Variants in PDZRN4 observed in about 807,000 individuals in gnomAD.
PDZRN4 encodes the protein PDZ domain-containing RING finger protein 4.
A neutral mutation model predicts 99.0 loss-of-function variants in PDZRN4; 70 were observed. That is an observed-to-expected ratio of 0.71 (90% CI 0.58 to 0.86). PDZRN4 has a LOEUF of 0.86. Ranked by LOEUF, PDZRN4 falls within the 40% of genes least tolerant of loss-of-function variation. The pLI, the probability that PDZRN4 is intolerant of heterozygous loss-of-function variation, is 0.00. For missense variants in PDZRN4, 1,474 were observed against 1,331.2 expected (o/e 1.11, Z -1.67); for synonymous variants, 551 against 501.6 (o/e 1.10, Z -1.32).
At chr12:41,493,005 C>T (rs1937919596) in intron 3 of PDZRN4, among the ~76,000 whole-genome samples, 1 of 152,122 alleles carries the variant, frequency 6.6e-6, no homozygotes, top group African/African-American at 2.4e-5. Flanking sequence ...TTAATTACAG[C>T]CAAAGGCTGC....
chr12:41,437,175 T>G (rs1245637302), intron 3 of PDZRN4, among the ~76,000 whole-genome samples: 2 of 152,206 alleles, frequency 1.3e-5, no homozygotes, highest in South Asian at 2.1e-4. Flanking sequence ...TATGAACTAT[T>G]CAGTTATTTT....
rs1952248702 is a variant in PDZRN4 at position 41,396,720 on chromosome 12, T to C, written c.844-109736T>C. Among the ~76,000 whole-genome samples the C allele has an allele frequency of 2.0e-5, 3 of 152,318 alleles. No homozygotes were observed. The South Asian group carries it at 6.2e-4, about 32-fold the overall frequency. On this transcript the variant is annotated intron_variant, in intron 3 of 9. Coordinates refer to ENST00000402685, the MANE Select transcript of PDZRN4 (RefSeq NM_001164595.2). ...TGTGATTAAACTACATAGTTCTTTA[T>C]ATCCATGGCTGTTTTCATTGTCTAT...
intron 5 of PDZRN4, among the ~76,000 whole-genome samples, chr12:41,519,931 A>G (rs1938466038): frequency 6.6e-6 from 1 of 151,958 alleles, no homozygotes; most frequent in Non-Finnish European, 1.5e-5. Context: ...ACTTCCCCCC[A>G]TCTGCCTCTC....
At position 41,506,447 on chromosome 12, in the gene PDZRN4, T is replaced by C; in HGVS notation, c.844-9T>C. 1 of 1,603,420 alleles carries C rather than the reference T, an allele frequency of 6.2e-7. No individual in the cohort carries two copies. Among genetic ancestry groups the C allele is most frequent in the Middle Eastern group, 1.7e-4 (1 of 5,988 alleles). ...CTCTGAGATGAACAATGTCCTTATA[T>C]GTTTGTAGGTCAATGGGAAGGATCT... On this transcript the variant is annotated splice_polypyrimidine_tract_variant and intron_variant, in intron 3 of 9. Transcript: ENST00000402685.
chr12:41,251,122 T>A (rs1951166842), intron 3 of PDZRN4, among the ~76,000 whole-genome samples: 1 of 152,206 alleles, frequency 6.6e-6, no homozygotes, highest in East Asian at 1.9e-4. Context: ...CTCTGTTTTT[T>A]TCTGCAGCTG....
At chr12:41,329,973 G>A (rs969106767) in intron 3 of PDZRN4, among the ~76,000 whole-genome samples, 7 of 152,016 alleles carry the variant, frequency 4.6e-5, no homozygotes, top group African/African-American at 1.2e-4. Context: ...TCGCCTGAAG[G>A]CTGGATTTTG....
chr12:41,571,544 A>C (rs1468299469), intron 9 of PDZRN4, among the ~76,000 whole-genome samples: 1 of 152,120 alleles, frequency 6.6e-6, no homozygotes, highest in African/African-American at 2.4e-5. Context: ...ATAGACTAAA[A>C]TTTATCTTTG....
rs957085311 is a variant in PDZRN4, at chr12:41,196,452, T to C, written c.843+2264T>C. The stretch of plus-strand genomic sequence containing the variant: ...ATTTGCAGTTAAGAAATGGGTTAGA[T>C]GAGGTGCATATTTCTAGAATGTTGT... On this transcript the variant is annotated intron_variant, in intron 3 of 9. Transcript: ENST00000402685. 2.0e-5 allele frequency among the ~76,000 whole-genome samples: 3 copies of C among 152,100 alleles called. No homozygotes were observed. In the East Asian group the frequency reaches 5.8e-4, roughly 29 times the overall value.
At chr12:41,343,743 C>T (rs1261221862) in intron 3 of PDZRN4, among the ~76,000 whole-genome samples, 2 of 151,766 alleles carry the variant, frequency 1.3e-5, no homozygotes, top group Admixed American at 6.6e-5. Flanking sequence ...TTTGAATGGT[C>T]TCACTACAAA....
intron 3 of PDZRN4, among the ~76,000 whole-genome samples, chr12:41,211,843 A>G (rs982604237): frequency 2.0e-5 from 3 of 152,110 alleles, no homozygotes; most frequent in Non-Finnish European, 4.4e-5. Context: ...GAAACCCATC[A>G]CGAGGCATTT....
chr12:41,549,979 A>G (rs1380164952), intron 5 of PDZRN4, among the ~76,000 whole-genome samples: 1 of 152,186 alleles, frequency 6.6e-6, no homozygotes, highest in Non-Finnish European at 1.5e-5. Flanking sequence ...GTCCAAGGTA[A>G]GGAAAATATT....
intron 3 of PDZRN4, among the ~76,000 whole-genome samples, chr12:41,301,355 C>A (rs1310219749): frequency 6.6e-6 from 1 of 151,954 alleles, no homozygotes; most frequent in Non-Finnish European, 1.5e-5. Context: ...TGTTATTCTG[C>A]AGAACAGTGG....
chr12:41,362,767 T>C (rs1037600706), intron 3 of PDZRN4, among the ~76,000 whole-genome samples: 1 of 152,082 alleles, frequency 6.6e-6, no homozygotes, highest in Non-Finnish European at 1.5e-5. Flanking sequence ...TTAGGAGGAA[T>C]TGTGTGAGGC....
chr12:41,255,576 T>G (rs1951199263), intron 3 of PDZRN4, among the ~76,000 whole-genome samples: 1 of 152,170 alleles, frequency 6.6e-6, no homozygotes, highest in East Asian at 1.9e-4. Flanking sequence ...CTGTTTTTAT[T>G]ACATTTTAAC....
At chr12:41,551,611 G>C (rs1341772004) in intron 5 of PDZRN4, among the ~76,000 whole-genome samples, 4 of 152,142 alleles carry the variant, frequency 2.6e-5, no homozygotes, top group African/African-American at 9.7e-5. Context: ...GTAGGCACTG[G>C]AGAAAGAGCA....
chr12:41,214,652 C>T lies in PDZRN4; in HGVS notation c.843+20464C>T, dbSNP rs536023665. Among the ~76,000 whole-genome samples the T allele has an allele frequency of 3.3e-5, 5 of 152,026 alleles. No individual in the cohort carries two copies. The South Asian group carries it at 1.0e-3, about 32-fold the overall frequency. The stretch of plus-strand genomic sequence containing the variant: ...TTTTCTGCCTAGACTAAAATTACAA[C>T]TACATTTATGAAATGTTAGAGTTGA... On this transcript the variant is annotated intron_variant, in intron 3 of 9. Coordinates refer to ENST00000402685, the MANE Select transcript of PDZRN4 (RefSeq NM_001164595.2).
intron 3 of PDZRN4, among the ~76,000 whole-genome samples, chr12:41,333,362 A>G (rs1025873352): frequency 4.6e-5 from 7 of 151,936 alleles, no homozygotes; most frequent in Non-Finnish European, 8.8e-5. Flanking sequence ...GCCACCCCCA[A>G]CTTGAACCTG....
intron 3 of PDZRN4, among the ~76,000 whole-genome samples, chr12:41,389,855 G>A (rs890745786): frequency 6.6e-6 from 1 of 152,182 alleles, no homozygotes; most frequent in Non-Finnish European, 1.5e-5. Context: ...TGTGGGTTCT[G>A]CTGGATTTTA....
intron 5 of PDZRN4, among the ~76,000 whole-genome samples, chr12:41,523,018 A>G (rs1463114228): frequency 2.6e-5 from 4 of 151,998 alleles, no homozygotes; most frequent in African/African-American, 7.2e-5. Context: ...ATTGGAAGAG[A>G]AGTTGTATTT....
Sources: allele counts gnomAD v4.1 joint callset (sites outside exome capture counted in the v4.1 genomes callset), GRCh38; gene constraint gnomAD v4.1.1; transcripts MANE v1.5; gene names NCBI Gene and HGNC (gene_info 2026-07-23, HGNC 2026-07-21).